Variants in ARID3A observed in about 807,000 individuals in gnomAD.
ARID3A encodes AT-rich interactive domain-containing protein 3A.
A neutral mutation model predicts 52.7 loss-of-function variants in ARID3A; 11 were observed. That is an observed-to-expected ratio of 0.21 (90% CI 0.13 to 0.35). ARID3A has a LOEUF of 0.35. Among genes scored for constraint, ARID3A ranks in the 10% least tolerant of loss-of-function variants. The pLI is 1.00. For synonymous variants in ARID3A, 404 were observed against 359.4 expected (o/e 1.12, Z -1.40); for missense variants, 721 against 838.5 (o/e 0.86, Z 1.73).
intron 3 of ARID3A, among the ~76,000 whole-genome samples, chr19:957,856 A>AT (rs2037954089): frequency 6.6e-6 from 1 of 151,682 alleles, no homozygotes; most frequent in African/African-American, 2.4e-5. Flanking sequence ...AAAACAAACA[A>AT]AAAAAAGACT....
At chr19:966,092 CA>C (rs1414855868) in intron 6 of ARID3A, among the ~76,000 whole-genome samples, 1 of 150,758 alleles carries the variant, frequency 6.6e-6, no homozygotes, top group Non-Finnish European at 1.5e-5. Flanking sequence ...GCCTGAGAGG[CA>C]GAGGTTGCAG....
chr19:931,882 G>T (rs112570154), intron 2 of ARID3A, among the ~76,000 whole-genome samples: 2 of 151,934 alleles, frequency 1.3e-5, no homozygotes, highest in Non-Finnish European at 2.9e-5. Flanking sequence ...GGGCAGTGGC[G>T]AGGGTGGGGC....
Position 960,312 on chromosome 19 carries a change from G to A in ARID3A, c.766+148G>A. On this transcript the variant is annotated intron_variant, in intron 4 of 8. Coordinates refer to ENST00000263620, the MANE Select transcript of ARID3A (RefSeq NM_005224.3). The surrounding 1 kb of genome is among the most constrained non-coding windows in gnomAD (Gnocchi z 4.3). The stretch of plus-strand genomic sequence containing the variant: ...CTCCTAAATCGGGAGGGACTTCAGG[G>A]GTGTCTTGGGGGGAAACACATCCTG... 1 of 647,924 alleles carries A rather than the reference G, an allele frequency of 1.5e-6. No individual in the cohort carries two copies. Among genetic ancestry groups the A allele is most frequent in the Admixed American group, 3.2e-5 (1 of 31,732 alleles). 40.1% of individuals were successfully genotyped at this position (647,924 alleles called of 1,614,324 possible). A position where few individuals can be genotyped will look rare whatever the true frequency, so the allele number is the denominator to read the frequency against.
chr19:933,383 C>T (rs868408071), intron 3 of ARID3A, among the ~76,000 whole-genome samples: 3 of 152,130 alleles, frequency 2.0e-5, no homozygotes, highest in South Asian at 2.1e-4. Flanking sequence ...AGGAAGTGGC[C>T]GGGCGGGGGA....
intron 8 of ARID3A, among the ~76,000 whole-genome samples, chr19:970,446 A>C (rs1429825077): frequency 6.6e-6 from 1 of 151,914 alleles, no homozygotes; most frequent in Non-Finnish European, 1.5e-5. Flanking sequence ...CAGCCTGGGC[A>C]ACACAGAAGA....
Position 964,710 on chromosome 19 carries a change from T to C in ARID3A, c.951-123T>C, listed in dbSNP as rs1249620341. The C allele has an allele frequency of 1.4e-6, 2 of 1,451,538 alleles. No individual in the cohort carries two copies. Among genetic ancestry groups the C allele is most frequent in the Non-Finnish European group, 1.8e-6 (2 of 1,092,346 alleles). 89.9% of individuals were successfully genotyped at this position (1,451,538 alleles called of 1,614,324 possible). ...AAGGCCCAGCAGCTCTGGGGGCTGC[T>C]GAGCAAGTCCAAGGGAAGAACCAGG... On this transcript the variant is annotated intron_variant, in intron 5 of 8. Transcript: ENST00000263620. This position sits in a 1 kb window ranked among gnomAD's most constrained non-coding sequence, Gnocchi z 5.7.
At chr19:965,940 C>G (rs923617362) in intron 6 of ARID3A, among the ~76,000 whole-genome samples, 1 of 143,340 alleles carries the variant, frequency 7.0e-6, no homozygotes, top group African/African-American at 2.6e-5. Flanking sequence ...TGCGGTGAGC[C>G]AAGATCACGT....
At chr19:932,789 C>T in intron 3 of ARID3A, 47 bp downstream of exon 3, 1 of 1,543,570 alleles carries the variant, frequency 6.5e-7, no homozygotes. Context: ...TGCTCCTGGG[C>T]CAGTGGGGCC....
At chr19:958,537 G>C (rs950930370) in intron 3 of ARID3A, among the ~76,000 whole-genome samples, 1 of 152,148 alleles carries the variant, frequency 6.6e-6, no homozygotes, top group Non-Finnish European at 1.5e-5. Flanking sequence ...GGAACTTACT[G>C]ACATACAATC....
At position 952,372 on chromosome 19, in the gene ARID3A, G is replaced by A. The variant is rs560598754; in HGVS notation, c.694-7720G>A. On this transcript the variant is annotated intron_variant, in intron 3 of 8. Transcript: ENST00000263620. The stretch of plus-strand genomic sequence containing the variant: ...CAGGAGGATCACTTGAGCCTGAGAG[G>A]CTGAGGCTGCAGTGAGCTGTGATCG... Among the ~76,000 whole-genome samples the A allele has an allele frequency of 6.2e-5, 9 of 144,104 alleles. 1 individual carries two copies. The South Asian group carries it at 1.6e-3, about 25-fold the overall frequency. 94.5% of individuals were successfully genotyped at this position (144,104 alleles called of 152,430 possible).
rs904107060 is a variant in ARID3A at position 938,591 on chromosome 19, T to C, written c.693+5849T>C. On this transcript the variant is annotated intron_variant, in intron 3 of 8. Transcript: ENST00000263620. This position sits in a 1 kb window ranked among gnomAD's most constrained non-coding sequence, Gnocchi z 4.0. Reference sequence around the variant, plus strand: ...GGTTTTGGGGAAGCTCAGCTGCCCCTCCGTTTTTCTTTTTGTCTGGAATGA... The same window carrying C: ...GGTTTTGGGGAAGCTCAGCTGCCCCCCCGTTTTTCTTTTTGTCTGGAATGA... 5.3e-5 allele frequency among the ~76,000 whole-genome samples: 8 copies of C among 152,210 alleles called. No homozygotes were observed. The highest frequency in any genetic ancestry group is 1.9e-4 in the African/African-American group (8 of 41,452).
chr19:925,842 G>A (rs1468126296), upstream of ARID3A: 2 of 152,068 alleles, frequency 1.3e-5, no homozygotes, highest in African/African-American at 2.4e-5. Flanking sequence ...GGAGGGGGGC[G>A]AGGGGGCGTG....
intron 3 of ARID3A, among the ~76,000 whole-genome samples, chr19:946,238 T>C (rs577583724): frequency 7.2e-5 from 11 of 152,138 alleles, no homozygotes; most frequent in Non-Finnish European, 1.3e-4. Context: ...TTTTTTACTT[T>C]TACTTTTTCC....
At chr19:952,580 C>G (rs959281105) in intron 3 of ARID3A, among the ~76,000 whole-genome samples, 1 of 151,886 alleles carries the variant, frequency 6.6e-6, no homozygotes, top group African/African-American at 2.4e-5. Flanking sequence ...AGTCCCCAAA[C>G]GCTAGACACT....
At chr19:931,667 G>A (rs374704104) in intron 2 of ARID3A, among the ~76,000 whole-genome samples, 1 of 151,982 alleles carries the variant, frequency 6.6e-6, no homozygotes, top group East Asian at 1.9e-4. Flanking sequence ...AAAAAAATTA[G>A]CCAGGCGTGG....
At position 968,414 on chromosome 19, in the gene ARID3A, G is replaced by A. The variant is rs2038208576; in HGVS notation, c.1505G>A (p.Ser502Asn). The change falls in exon 8 of 9, where the codon AGC (serine) becomes AAC (asparagine). Residue 502 changes from serine (S) to asparagine (N), a missense_variant. This residue lies in a region of ARID3A where 297 missense variants were observed against 343.2 expected (regional missense o/e 0.87). Coordinates refer to ENST00000263620, the MANE Select transcript of ARID3A (RefSeq NM_005224.3). Reference protein sequence around the residue: ...SIRINSQASESRQDSAVNLTG... With the variant: ...SIRINSQASENRQDSAVNLTG... ...GTTCTTCTTCCCACAGCCTCCGAAAGCCGCCAGGACTCTGCTGTGAACCTG... is the reference window on the plus strand; with the variant it reads ...GTTCTTCTTCCCACAGCCTCCGAAAACCGCCAGGACTCTGCTGTGAACCTG... The A allele has an allele frequency of 1.9e-6, 3 of 1,611,458 alleles. No homozygotes were observed. Among genetic ancestry groups the A allele is most frequent in the Non-Finnish European group, 2.5e-6 (3 of 1,178,856 alleles).
chr19:965,198 G>T (rs2038123758), intron 6 of ARID3A, 118 bp downstream of exon 6: 4 of 1,228,184 alleles, frequency 3.3e-6, no homozygotes, highest in Non-Finnish European at 3.3e-6. Flanking sequence ...CCTATAGTTG[G>T]CATGGAAAAG....
chr19:933,511 G>A (rs1381714514), intron 3 of ARID3A, among the ~76,000 whole-genome samples: 1 of 152,190 alleles, frequency 6.6e-6, no homozygotes, highest in African/African-American at 2.4e-5. Flanking sequence ...GCTGGGGGGA[G>A]CCACCTCCTC....
In ARID3A at chr19:929,780, G is replaced by A; in HGVS notation, c.252G>A (p.Gly84=). 1.3e-6 allele frequency: 2 copies of A among 1,551,300 alleles called. No homozygotes were observed. Among genetic ancestry groups the A allele is most frequent in the Non-Finnish European group, 8.7e-7 (1 of 1,153,130 alleles). Residue 84 remains glycine (G), a synonymous_variant, in exon 2 of 9, where the codon GGG becomes GGA. Transcript: ENST00000263620. This position sits in a 1 kb window ranked among gnomAD's most constrained non-coding sequence, Gnocchi z 6.2. ...CCAGCCCCGGCGGCTCTGAGGATGG[G>A]CCCCCAGGCTCGGAGGAGGAGGACG... ...HPASPGGSED[G]PPGSEEEDAA... is the part of the protein sequence containing the mutation.
Sources: allele counts gnomAD v4.1 joint callset (sites outside exome capture counted in the v4.1 genomes callset), GRCh38; gene constraint gnomAD v4.1.1; regional missense constraint gnomAD v4.1.1; non-coding constraint Gnocchi (gnomAD v3.1); transcripts MANE v1.5; gene names NCBI Gene and HGNC (gene_info 2026-07-23, HGNC 2026-07-21).